Variants in HCN2 observed in about 807,000 individuals in gnomAD.
The protein encoded by HCN2 is hyperpolarization activated cyclic nucleotide gated potassium and sodium channel 2.
In HCN2, 20 loss-of-function variants were observed where a neutral mutation model predicts 52.3. The observed-to-expected ratio is 0.38, with a 90% CI of 0.27 to 0.56. HCN2 has a LOEUF of 0.56. HCN2 is among the 20% of genes least tolerant of loss of function. The probability of loss-of-function intolerance (pLI) is 0.71; values close to 1 mark genes in which losing one functional copy is unlikely to be tolerated. For synonymous variants in HCN2, 694 were observed against 537.0 expected, an observed-to-expected ratio of 1.29 and a Z score of -4.04; for missense variants, 981 against 1,207.7, an observed-to-expected ratio of 0.81 and a Z score of 2.78.
In HCN2 at chr19:590,265, C is replaced by T. The variant is rs1600512646; in HGVS notation, c.320C>T (p.Pro107Leu). The change falls in exon 1 of 8, where the codon CCG becomes CTG. Residue 107 changes from proline to leucine, a missense_variant. Physicochemically the swap from Pro to Leu is moderately conservative, Grantham distance 98. Around this residue, in one of 6 missense-constraint regions of HCN2, gnomAD observed 215 missense variants for 179.4 expected, o/e 1.20. Coordinates refer to ENST00000251287, the MANE Select transcript of HCN2 (RefSeq NM_001194.4). This position sits in a 1 kb window ranked among gnomAD's most constrained non-coding sequence, Gnocchi z 7.2. ...SPNGECGRGE[P>L]QCSPAGPEGP... ...AACGGCGAGTGCGGGCGCGGCGAGC[C>T]GCAGTGCAGCCCCGCGGGGCCCGAG... The T allele has an allele frequency of 2.0e-6, 2 of 989,486 alleles. No homozygotes were observed. Among genetic ancestry groups the T allele is most frequent in the African/African-American group, 1.8e-5 (1 of 56,380 alleles). The allele number at this position is 989,486 out of a possible 1,614,324, so 61.3% of individuals were successfully genotyped here.
At chr19:599,269 A>G (rs1257383839) in intron 1 of HCN2, among the ~76,000 whole-genome samples, 2 of 152,320 alleles carry the variant, frequency 1.3e-5, no homozygotes, top group East Asian at 1.9e-4. Context: ...ACGTGGTGTT[A>G]ACAGCTTTTC....
intron 3 of HCN2, among the ~76,000 whole-genome samples, chr19:606,242 AG>A (rs1274407289): frequency 3.9e-5 from 6 of 152,074 alleles, no homozygotes; most frequent in African/African-American, 7.2e-5. Flanking sequence ...CTGGGACTAC[AG>A]GCGCCCGCCA....
chr19:611,188 CTG>C (rs1568367262), intron 5 of HCN2, among the ~76,000 whole-genome samples: 1 of 152,180 alleles, frequency 6.6e-6, no homozygotes, highest in East Asian at 1.9e-4. Flanking sequence ...GGATGTCAGC[CTG>C]TCTTTCTGGG....
chr19:609,667 G>A (rs752716221), intron 4 of HCN2, among the ~76,000 whole-genome samples: 3 of 152,334 alleles, frequency 2.0e-5, no homozygotes, highest in East Asian at 1.9e-4. Flanking sequence ...TCAGGAGGCC[G>A]AGGTGGGAGG....
At chr19:595,309 G>T (rs892609829) in intron 1 of HCN2, among the ~76,000 whole-genome samples, 1 of 100,584 alleles carries the variant, frequency 9.9e-6, no homozygotes, top group Non-Finnish European at 1.9e-5. Context: ...GTTCAGCCTC[G>T]CACCCTGTGC....
At chr19:599,607 G>A (rs1218937649) in intron 1 of HCN2, among the ~76,000 whole-genome samples, 10 of 150,492 alleles carry the variant, frequency 6.6e-5, no homozygotes, top group South Asian at 6.3e-4. Context: ...GTGAAACCCC[G>A]TCTCTACTAA....
intron 4 of HCN2, 83 bp from the exon 5 acceptor site, chr19:610,176 C>T (rs1266410892): frequency 1.1e-5 from 16 of 1,501,932 alleles, no homozygotes; most frequent in Non-Finnish European, 1.5e-5. Flanking sequence ...CCCAGCCTCG[C>T]CTCCCCACAG....
chr19:610,728 C>T (rs759831681), intron 5 of HCN2, among the ~76,000 whole-genome samples: 10 of 152,284 alleles, frequency 6.6e-5, no homozygotes, highest in East Asian at 1.9e-4. Flanking sequence ...GTCCTGGGGG[C>T]ACTGAGGCTG....
In HCN2 at chr19:591,773, G is replaced by A. The variant is rs913772565; in HGVS notation, c.632+1196G>A. The stretch of plus-strand genomic sequence containing the variant: ...CCCCAGGACAGCCCCCACGGACCCT[G>A]GACCCCCGGAACTGGGCAGGGAGGC... On this transcript the variant is annotated intron_variant, in intron 1 of 7. Coordinates refer to ENST00000251287, the MANE Select transcript of HCN2 (RefSeq NM_001194.4). This position sits in a 1 kb window ranked among gnomAD's most constrained non-coding sequence, Gnocchi z 4.1. 3.3e-5 allele frequency among the ~76,000 whole-genome samples: 5 copies of A among 152,132 alleles called. No homozygotes were observed. The highest frequency in any genetic ancestry group is 7.2e-5 in the African/African-American group (3 of 41,434).
chr19:615,385 G>A (rs948335911), intron 7 of HCN2, among the ~76,000 whole-genome samples: 5 of 152,130 alleles, frequency 3.3e-5, no homozygotes, highest in East Asian at 1.9e-4. Flanking sequence ...GTGGTGGCGG[G>A]CGCCTGTAGT....
chr19:614,047 G>T (rs776495098), intron 7 of HCN2, 31 bp downstream of exon 7: 1 of 1,513,490 alleles, frequency 6.6e-7, no homozygotes, highest in South Asian at 1.3e-5. Context: ...GCCGGGGCGG[G>T]TGCCCTGGCG....
rs368472367 is a variant in HCN2, at chr19:613,242, C to A, written c.1585-6C>A. On this transcript the variant is annotated splice_polypyrimidine_tract_variant and splice_region_variant and intron_variant, in intron 5 of 7. Transcript: ENST00000251287. Reference sequence around the variant, plus strand: ...CAGCGGACCCAGCCCTGCCTCCCCCCTGCAGGAGATCGTCAACTTCAACTG... The same window carrying A: ...CAGCGGACCCAGCCCTGCCTCCCCCATGCAGGAGATCGTCAACTTCAACTG... 33 of 1,609,292 alleles carry A rather than the reference C, an allele frequency of 2.1e-5. No individual in the cohort carries two copies. In the African/African-American group the frequency reaches 3.3e-4, roughly 16 times the overall value.
intron 1 of HCN2, among the ~76,000 whole-genome samples, 199 bp from the exon 2 acceptor site, chr19:603,345 G>C (rs566767933): frequency 1.5e-4 from 22 of 150,480 alleles, no homozygotes; most frequent in Non-Finnish European, 2.7e-4. Flanking sequence ...TAGGTGCCTG[G>C]GGGAAGGCAC....
intron 1 of HCN2, among the ~76,000 whole-genome samples, chr19:600,860 G>A (rs919785775): frequency 6.6e-6 from 1 of 152,122 alleles, no homozygotes; most frequent in Admixed American, 6.5e-5. Context: ...TCTTGCTGTT[G>A]TACAACCGTC....
chr19:603,423 C>T (rs1396751348), intron 1 of HCN2, 121 bp from the exon 2 acceptor site: 33 of 684,092 alleles, frequency 4.8e-5, no homozygotes, highest in Middle Eastern at 4.4e-4. Flanking sequence ...GCAGGCTCCT[C>T]GGAGGAGGCA....
chr19:604,861 G>GA (rs1484157319), intron 2 of HCN2, among the ~76,000 whole-genome samples, 200 bp from the exon 3 acceptor site: 1 of 123,140 alleles, frequency 8.1e-6, no homozygotes, highest in Non-Finnish European at 1.7e-5. Flanking sequence ...GAGGTGGGCG[G>GA]GGTCCTGGGG....
At position 616,913 on chromosome 19, in the gene HCN2, C is replaced by T. The variant is rs1983977906; in HGVS notation, c.*439C>T. On this transcript the variant is annotated 3_prime_UTR_variant, in exon 8 of 8. Transcript: ENST00000251287. ...TCCCGCTGCCCCCATCGCGCTCACG[C>T]AATAACCGGCCCGGCCCCCGTCCGC... 3 of 340,642 alleles carry T rather than the reference C, an allele frequency of 8.8e-6. No homozygotes were observed. The highest frequency in any genetic ancestry group is 1.7e-5 in the Non-Finnish European group (3 of 181,378). 21.1% of individuals were successfully genotyped at this position (340,642 alleles called of 1,614,324 possible).
intron 4 of HCN2, 96 bp downstream of exon 4, chr19:608,278 TGGAG>T: frequency 8.7e-7 from 1 of 1,147,976 alleles, no homozygotes; most frequent in Non-Finnish European, 1.3e-6. Flanking sequence ...TGGGGTCTGA[TGGAG>T]GGAGGCAGGC....
At chr19:606,257 C>T (rs1442900494) in intron 3 of HCN2, among the ~76,000 whole-genome samples, 1 of 152,084 alleles carries the variant, frequency 6.6e-6, no homozygotes, top group South Asian at 2.1e-4. Context: ...CCCGCCACCA[C>T]ACCTGGATAA....
Sources: gnomAD v4.1 joint callset for allele counts (sites outside exome capture counted in the v4.1 genomes callset) on GRCh38, gnomAD v4.1.1 for gene constraint, gnomAD v4.1.1 regional missense constraint, Gnocchi (gnomAD v3.1) non-coding constraint, MANE v1.5 for transcripts, NCBI Gene and HGNC (gene_info 2026-07-23, HGNC 2026-07-21) for gene names.